HERC2: variants seen among roughly 807,000 people sequenced by gnomAD.
HERC2 encodes the protein E3 ubiquitin-protein ligase HERC2.
HERC2 carries 102 observed loss-of-function variants against 537.7 expected under a neutral mutation model. The observed-to-expected ratio is 0.19, with a 90% CI of 0.16 to 0.22. The LOEUF is 0.22. Among genes scored for constraint, HERC2 ranks in the 10% least tolerant of loss-of-function variants. The pLI is 1.00. For missense variants in HERC2, 4,236 were observed against 6,198.2 expected (o/e 0.68, Z 10.63); for synonymous variants, 2,224 against 2,466.2 (o/e 0.90, Z 2.91).
At chr15:28,198,859 G>T (rs3944122) in intron 48 of HERC2, 90 bp from the exon 49 acceptor site, 5 of 1,246,782 alleles carry the variant, frequency 4.0e-6, no homozygotes, top group Non-Finnish European at 5.6e-6. Context: ...TCTTAATAAA[G>T]AATTCTGACT....
At chr15:28,293,838 T>C (rs1301930653) in intron 3 of HERC2, among the ~76,000 whole-genome samples, 1 of 152,174 alleles carries the variant, frequency 6.6e-6, no homozygotes, top group African/African-American at 2.4e-5. Flanking sequence ...GAAAAATCAC[T>C]TTAGGCCACT....
intron 23 of HERC2, among the ~76,000 whole-genome samples, chr15:28,240,232 C>G (rs1013210546): frequency 6.6e-6 from 1 of 152,138 alleles, no homozygotes; most frequent in Non-Finnish European, 1.5e-5. Context: ...TCCTGGCTAA[C>G]ACGGTGAAAC....
Position 28,272,264 on chromosome 15 carries a change from T to G in HERC2, c.1034A>C (p.Gln345Pro), listed in dbSNP as rs750515689. ...APLLPLLQRF[Q>P]SIICRKDAPH... ...TGCATCCTTCCTGCAAATGATGCTC[T>G]GGAACCTTTGCAGCAAGGGCAAAAG... Residue 345 changes from glutamine to proline, a missense_variant, in exon 9 of 93, where the codon CAG becomes CCG. Transcript: ENST00000261609. 6.2e-7 allele frequency: 1 copy of G among 1,612,058 alleles called. No homozygotes were observed. Among genetic ancestry groups the G allele is most frequent in the Non-Finnish European group, 8.5e-7 (1 of 1,179,266 alleles).
intron 52 of HERC2, among the ~76,000 whole-genome samples, chr15:28,192,452 A>G (rs889189059): frequency 6.6e-6 from 1 of 152,224 alleles, no homozygotes; most frequent in Non-Finnish European, 1.5e-5. Flanking sequence ...CAGCACTCAC[A>G]AAAACCATTC....
Position 28,125,006 on chromosome 15 carries a change from C to T in HERC2, c.12990G>A (p.Gln4330=), listed in dbSNP as rs1889323051. Residue 4330 remains glutamine, a splice_region_variant and synonymous_variant, in exon 84 of 93, where the codon CAG becomes CAA. Transcript: ENST00000261609. The part of the protein sequence containing the change: ...KPASAGKLPA[Q]VPMEYNHLQE... ...ACCCACCCAACCTGCCCGGACTCACCTGTGCAGGGAGTTTGCCAGCACTGG... is the reference window on the plus strand; with the variant it reads ...ACCCACCCAACCTGCCCGGACTCACTTGTGCAGGGAGTTTGCCAGCACTGG... 1 of 1,594,458 alleles carries T rather than the reference C, an allele frequency of 6.3e-7. No homozygotes were observed. The highest frequency in any genetic ancestry group is 8.6e-7 in the Non-Finnish European group (1 of 1,163,662).
In HERC2 at chr15:28,124,216, G is replaced by A; in HGVS notation, c.13009C>T (p.His4337Tyr). The change falls in exon 85 of 93, where the codon CAC (histidine) becomes TAC (tyrosine). Residue 4337 changes from histidine (H) to tyrosine (Y), a missense_variant. This residue lies in a region of HERC2 where 189 missense variants were observed against 255.7 expected (regional missense o/e 0.74). Transcript: ENST00000261609. The stretch of plus-strand genomic sequence containing the variant: ...GCAATGATGGGGATCTCCTGCAGGT[G>A]ATTGTACTCCATGGGGACCTAGAAC... ...LPAQVPMEYN[H>Y]LQEIPIIALR... is the part of the protein sequence containing the mutation. The A allele has an allele frequency of 6.6e-7, 1 of 1,511,234 alleles. No individual in the cohort carries two copies. The highest frequency in any genetic ancestry group is 8.9e-7 in the Non-Finnish European group (1 of 1,124,542). The allele number at this position is 1,511,234 out of a possible 1,614,324, so 93.6% of individuals were successfully genotyped here.
rs2905946 is a variant in HERC2, at chr15:28,202,360, T to C, written c.7467A>G (p.Ala2489=). The C allele has an allele frequency of 4.0e-4, 639 of 1,613,382 alleles. 2 individuals are homozygous for C. In the South Asian group the frequency reaches 4.0e-3, roughly 10 times the overall value. The change falls in exon 46 of 93, where the codon GCA becomes GCG. Residue 2489 remains alanine, a synonymous_variant. Coordinates refer to ENST00000261609, the MANE Select transcript of HERC2 (RefSeq NM_004667.6). Reference sequence around the variant, plus strand: ...AAAACGAAGTACCAGGCAAGCTGGATGCATTCCCGGAAGCACCAGTGAGAG... The same window carrying C: ...AAAACGAAGTACCAGGCAAGCTGGACGCATTCCCGGAAGCACCAGTGAGAG... ...LKSLTGASGN[A]SSLPGVEALV... is the part of the protein sequence containing the mutation.
At position 28,160,819 on chromosome 15, in the gene HERC2, G is replaced by A. The variant is rs553352163; in HGVS notation, c.10746+2275C>T. On this transcript the variant is annotated intron_variant, in intron 69 of 92. Coordinates refer to ENST00000261609, the MANE Select transcript of HERC2 (RefSeq NM_004667.6). ...AATGCAGAAATCACCCATCTTCTGC[G>A]TTGCTCACACTGGGAGCTGTAGACT... Among the ~76,000 whole-genome samples, 14 of 152,316 alleles carry A rather than the reference G, an allele frequency of 9.2e-5. No homozygotes were observed. In the South Asian group the frequency reaches 1.0e-3, roughly 11 times the overall value.
At chr15:28,168,360 G>C (rs776138370) in intron 67 of HERC2, 47 bp downstream of exon 67, 1 of 1,561,132 alleles carries the variant, frequency 6.4e-7, no homozygotes, top group East Asian at 2.3e-5. Flanking sequence ...ACACAAAGTA[G>C]CCACCTTTTC....
chr15:28,214,277 G>A lies in HERC2; in HGVS notation c.6359-5C>T, dbSNP rs967110543. ...TGCGCCGCCTCAGCGTGGACTCTGA[G>A]GAGGAAACCAGGGGAGAAGCTGCTG... On this transcript the variant is annotated splice_region_variant and splice_polypyrimidine_tract_variant and intron_variant, in intron 40 of 92. Coordinates refer to ENST00000261609, the MANE Select transcript of HERC2 (RefSeq NM_004667.6). The A allele has an allele frequency of 6.8e-6, 11 of 1,610,284 alleles. No homozygotes were observed. In the African/African-American group the frequency reaches 9.4e-5, roughly 14 times the overall value.
chr15:28,169,694 C>T (rs775019234), intron 65 of HERC2, 39 bp from the exon 66 acceptor site: 1 of 1,577,828 alleles, frequency 6.3e-7, no homozygotes, highest in South Asian at 1.2e-5. Flanking sequence ...TTTTTAAAAT[C>T]ACAGTTTGAT....
Position 28,269,396 on chromosome 15 carries a change from C to T in HERC2, c.1298G>A (p.Trp433Ter). ...ACCAATCACATTGGCATAGTATTTC[C>T]ATCCTATTAACCCCCAACCTATGAC... ...QEVIGWGLIG[W>*]KYYANVIGPI... The change falls in exon 11 of 93, where the codon TGG (tryptophan) becomes TAG (stop). Residue 433 changes from tryptophan to a stop codon, truncating the protein, a stop_gained. Coordinates refer to ENST00000261609, the MANE Select transcript of HERC2 (RefSeq NM_004667.6). LOFTEE classifies it high-confidence loss of function. 2 of 1,614,178 alleles carry T rather than the reference C, an allele frequency of 1.2e-6. No homozygotes were observed. Among genetic ancestry groups the T allele is most frequent in the Non-Finnish European group, 1.7e-6 (2 of 1,180,010 alleles).
intron 83 of HERC2, among the ~76,000 whole-genome samples, chr15:28,126,800 A>G (rs867762935): frequency 2.4e-4 from 37 of 152,214 alleles, no homozygotes; most frequent in African/African-American, 8.7e-4. Context: ...CCTCTCAGAC[A>G]TCACCTCTAA....
intron 83 of HERC2, among the ~76,000 whole-genome samples, chr15:28,125,769 A>C (rs753257806): frequency 2.6e-5 from 4 of 151,898 alleles, no homozygotes; most frequent in Non-Finnish European, 4.4e-5. Context: ...CAACCTCCCC[A>C]GCTCAAGTGA....
intron 4 of HERC2, among the ~76,000 whole-genome samples, chr15:28,284,330 C>T (rs952724068): frequency 2.0e-5 from 3 of 149,926 alleles, no homozygotes; most frequent in African/African-American, 7.4e-5. Flanking sequence ...AGAACCAAAC[C>T]GAAAAAATGA....
intron 89 of HERC2, chr15:28,115,166 G>A: frequency 1.9e-6 from 1 of 513,240 alleles, no homozygotes; most frequent in Non-Finnish European, 3.4e-6. Context: ...ACGGCCCCCA[G>A]CTGCCCAAAA....
chr15:28,266,813 T>C (rs1021310924), intron 12 of HERC2, among the ~76,000 whole-genome samples: 4 of 152,154 alleles, frequency 2.6e-5, no homozygotes, highest in Admixed American at 2.0e-4. Flanking sequence ...CTGGAAGCGA[T>C]GGGAGCGCCC....
At chr15:28,193,920 T>C (rs1464361702) in intron 52 of HERC2, among the ~76,000 whole-genome samples, 1 of 152,132 alleles carries the variant, frequency 6.6e-6, no homozygotes, top group East Asian at 1.9e-4. Flanking sequence ...TCAAGGGGTA[T>C]CTTCAGGCAG....
Position 28,269,260 on chromosome 15 carries a change from A to C in HERC2, c.1434T>G (p.Asn478Lys). ...RNGRVYTQAY[N>K]SDTLAPQLVQ... is the part of the protein sequence containing the mutation. ...CCAGAACACTCACCAGCGTGTCACT[A>C]TTATAGGCCTGTGTGTACACGCGGC... The change falls in exon 11 of 93, where the codon AAT (asparagine) becomes AAG (lysine). Residue 478 changes from asparagine (N) to lysine (K), a missense_variant. Physicochemically the swap from Asn to Lys is moderately conservative, Grantham distance 94 (BLOSUM62 0). Around this residue, in one of 27 missense-constraint regions of HERC2, gnomAD observed 491 missense variants for 559.3 expected, o/e 0.88. Coordinates refer to ENST00000261609, the MANE Select transcript of HERC2 (RefSeq NM_004667.6). The C allele has an allele frequency of 1.2e-6, 2 of 1,613,622 alleles. No individual in the cohort carries two copies. Among genetic ancestry groups the C allele is most frequent in the Non-Finnish European group, 1.7e-6 (2 of 1,179,764 alleles).
Sources: gnomAD v4.1 joint callset for allele counts (sites outside exome capture counted in the v4.1 genomes callset) on GRCh38, gnomAD v4.1.1 for gene constraint, gnomAD v4.1.1 regional missense constraint, MANE v1.5 for transcripts, NCBI Gene and HGNC (gene_info 2026-07-23, HGNC 2026-07-21) for gene names.